The following F8 variants were observed in gnomAD, a reference collection of about 807,000 sequenced individuals.
The protein encoded by F8 is antihemophilic factor.
F8 carries 12 observed loss-of-function variants against 140.6 expected under a neutral mutation model. The ratio of observed to expected loss-of-function variants is 0.09; its 90% CI spans 0.05 to 0.14. The LOEUF is 0.14. Ranked by LOEUF, F8 falls within the 10% of genes least tolerant of loss-of-function variation. The pLI is 1.00. For synonymous variants in F8, 585 were observed against 614.6 expected, an observed-to-expected ratio of 0.95 and a Z score of 0.71; for missense variants, 1,354 against 1,720.7, an observed-to-expected ratio of 0.79 and a Z score of 3.77.
rs1557278407 is a variant in F8, at chrX:154,929,315, T to C, written c.4475A>G (p.Lys1492Arg). ...CGGGAGAACAGTGTTCTCAACTTTC[T>C]TGTATGTGACTGAATTTGTGGCACT... ...GTSATNSVTY[K>R]KVENTVLPKP... The change falls in exon 14 of 26, where the codon AAG becomes AGG. Residue 1492 changes from lysine to arginine, a missense_variant. Transcript: ENST00000360256. The C allele has an allele frequency of 7.4e-6, 9 of 1,212,106 alleles. No individual in the cohort carries two copies. The highest frequency in any genetic ancestry group is 1.0e-5 in the Non-Finnish European group (9 of 895,595).
intron 25 of F8, among the ~76,000 whole-genome samples, chrX:154,844,403 T>C (rs1448594008): frequency 2.7e-5 from 3 of 112,065 alleles, no homozygotes; most frequent in Admixed American, 9.4e-5. Context: ...TTTCACAATA[T>C]TGATTCTTCC....
At chrX:155,013,769 A>G (rs1442674530) in intron 1 of F8, among the ~76,000 whole-genome samples, 2 of 111,604 alleles carry the variant, frequency 1.8e-5, no homozygotes, top group African/African-American at 6.5e-5. Context: ...TGGAAATCCA[A>G]TATCAGGGTG....
chrX:154,955,164 G>GTTTT (rs2073357197), intron 11 of F8, among the ~76,000 whole-genome samples: 2 of 60,851 alleles, frequency 3.3e-5, no homozygotes, highest in Non-Finnish European at 6.0e-5. Context: ...TATTTATTAA[G>GTTTT]CTTTTTTTTT....
At chrX:154,893,146 G>T (rs1159213484) in intron 22 of F8, among the ~76,000 whole-genome samples, 1 of 111,733 alleles carries the variant, frequency 8.9e-6, no homozygotes, top group East Asian at 2.8e-4. Context: ...CCTACGACCT[G>T]GAAGCCCCGC....
chrX:154,840,045 T>C (rs2072508494), intron 25 of F8, among the ~76,000 whole-genome samples: 1 of 112,157 alleles, frequency 8.9e-6, no homozygotes, highest in Non-Finnish European at 1.9e-5. Flanking sequence ...GGGCATGCGA[T>C]GCCAGATTGT....
In F8 at chrX:154,836,803, CTGACT is replaced by C. The variant is rs1355683713; in HGVS notation, c.*789_*793del. 8.9e-6 allele frequency: 1 copy of C among 111,886 alleles called. No homozygotes were observed. Among genetic ancestry groups the C allele is most frequent in the African/African-American group, 3.3e-5 (1 of 30,714 alleles). 9.2% of individuals were successfully genotyped at this position (111,886 alleles called of 1,213,427 possible). On this transcript the variant is annotated 3_prime_UTR_variant, in exon 26 of 26. Coordinates refer to ENST00000360256, the MANE Select transcript of F8 (RefSeq NM_000132.4). ...CAAAGCTTTCAACAATTGCATCCTC[CTGACT>C]TATTTTTTTATTGGTCAGAATTAAG...
Position 154,966,667 on chromosome X carries a change from T to G in F8, c.1030A>C (p.Lys344Gln), listed in dbSNP as rs782395704. 12 of 1,209,875 alleles carry G rather than the reference T, an allele frequency of 9.9e-6. No individual in the cohort carries two copies. Among genetic ancestry groups the G allele is most frequent in the Middle Eastern group, 2.3e-4 (1 of 4,377 alleles). Residue 344 changes from lysine to glutamine, a missense_variant, in exon 8 of 26, where the codon AAA becomes CAA. Around this residue, in one of 4 missense-constraint regions of F8, gnomAD observed 252 missense variants for 338.5 expected, o/e 0.74. Transcript: ENST00000360256. The part of the protein sequence containing the change: ...HQHDGMEAYV[K>Q]VDSCPEEPQL... ...GGTTCCTCTGGACAGCTGTCTACTT[T>G]GACATAAGCTTCCATGCCATCTGGA... is the stretch of plus-strand genomic sequence containing the variant.
At chrX:154,895,500 G>A (rs1557275546) in intron 22 of F8, among the ~76,000 whole-genome samples, 3 of 111,660 alleles carry the variant, frequency 2.7e-5, no homozygotes. Flanking sequence ...TGGGACCCTG[G>A]GCTGTGGCAA....
chrX:154,863,170 T>C lies in F8; in HGVS notation c.6487A>G (p.Ile2163Val). 1 of 1,209,507 alleles carries C rather than the reference T, an allele frequency of 8.3e-7. No individual in the cohort carries two copies. Among genetic ancestry groups the C allele is most frequent in the African/African-American group, 1.7e-5 (1 of 57,751 alleles). The stretch of plus-strand genomic sequence containing the variant: ...TGCAAACGGATGTATCGAGCAATAA[T>C]TGGAGGGTTAAAAATATTGTGTTTT... ...GIKHNIFNPP[I>V]IARYIRLHPT... Residue 2163 changes from isoleucine (I) to valine (V), a missense_variant, in exon 23 of 26, where the codon ATT (isoleucine) becomes GTT (valine). By Grantham distance (29) the Ile-to-Val change is conservative (BLOSUM62 3). Around this residue, in one of 4 missense-constraint regions of F8, gnomAD observed 316 missense variants for 485.4 expected, o/e 0.65. Coordinates refer to ENST00000360256, the MANE Select transcript of F8 (RefSeq NM_000132.4).
intron 14 of F8, among the ~76,000 whole-genome samples, chrX:154,912,493 C>T (rs2073073826): frequency 8.9e-6 from 1 of 112,307 alleles, no homozygotes; most frequent in African/African-American, 3.2e-5. Context: ...GGCACTTTGT[C>T]AAAAATGAGT....
intron 9 of F8, among the ~76,000 whole-genome samples, chrX:154,962,658 G>T (rs1399452856): frequency 9.0e-6 from 1 of 111,513 alleles, no homozygotes; most frequent in Non-Finnish European, 1.9e-5. Flanking sequence ...TTGAGCCCAG[G>T]ACTTCAAGAC....
intron 4 of F8, among the ~76,000 whole-genome samples, chrX:154,988,689 A>G (rs1416884542): frequency 8.9e-6 from 1 of 112,124 alleles, no homozygotes; most frequent in Non-Finnish European, 1.9e-5. Flanking sequence ...GGGATATTGC[A>G]GATTCCCCCA....
chrX:154,853,379 T>C (rs1557272269), intron 25 of F8, among the ~76,000 whole-genome samples: 2 of 112,114 alleles, frequency 1.8e-5, no homozygotes, highest in Admixed American at 9.5e-5. Flanking sequence ...ATTTTATACA[T>C]AATTATTTCA....
At chrX:154,881,818 C>T (rs1223916322) in intron 22 of F8, among the ~76,000 whole-genome samples, 2 of 112,775 alleles carry the variant, frequency 1.8e-5, no homozygotes, top group East Asian at 2.7e-4. Flanking sequence ...AACTCAACAT[C>T]GTACTCAAAG....
chrX:154,869,756 G>A (rs974065930), intron 22 of F8, among the ~76,000 whole-genome samples: 7 of 111,544 alleles, frequency 6.3e-5, no homozygotes, highest in African/African-American at 1.6e-4. Context: ...GAATCCAGGA[G>A]CTGGTTTTTT....
At chrX:154,854,022 G>T (rs1484920065) in intron 25 of F8, among the ~76,000 whole-genome samples, 1 of 111,268 alleles carries the variant, frequency 9.0e-6, no homozygotes, top group African/African-American at 3.3e-5. Flanking sequence ...TCCATTTCCA[G>T]AACTTTTTCA....
At chrX:154,903,842 A>C in intron 18 of F8, 64 bp downstream of exon 18, 7 of 1,004,316 alleles carry the variant, frequency 7.0e-6, no homozygotes, top group Non-Finnish European at 9.9e-6. Context: ...CAGTGCCTAG[A>C]CCATTTAAAG....
intron 14 of F8, among the ~76,000 whole-genome samples, chrX:154,914,313 C>A (rs1277142092): frequency 8.9e-6 from 1 of 112,847 alleles, no homozygotes; most frequent in Non-Finnish European, 1.9e-5. Context: ...AGGTCTCTAA[C>A]ATGCCCTGGA....
At chrX:154,962,862 C>G (rs113244055) in intron 9 of F8, among the ~76,000 whole-genome samples, 13,672 of 104,641 alleles carry the variant, frequency 0.13, 732 homozygotes, top group Non-Finnish European at 0.15. Context: ...GAATGAGACC[C>G]TATCTCAAGA....
Sources: allele counts gnomAD v4.1 joint callset (sites outside exome capture counted in the v4.1 genomes callset), GRCh38; gene constraint gnomAD v4.1.1; regional missense constraint gnomAD v4.1.1; transcripts MANE v1.5; gene names NCBI Gene and HGNC (gene_info 2026-07-23, HGNC 2026-07-21).